The following NBAS variants were observed in gnomAD, a reference collection of about 807,000 sequenced individuals.
The protein encoded by NBAS is NBAS subunit of NRZ tethering complex, also known as NAG/BC035112 fusion.
A neutral mutation model predicts 302.5 loss-of-function variants in NBAS; 219 were observed. That is an observed-to-expected ratio of 0.72 (90% CI 0.65 to 0.81). NBAS has a LOEUF of 0.81. Among genes scored for constraint, NBAS ranks in the 30% least tolerant of loss-of-function variants. The pLI is 0.00. For synonymous variants in NBAS, 1,118 were observed against 1,021.6 expected (o/e 1.09, Z -1.80); for missense variants, 2,932 against 2,841.6 (o/e 1.03, Z -0.72).
Position 15,186,132 on chromosome 2 carries a change from A to G in NBAS, c.6711+610T>C, listed in dbSNP as rs866987822. 1.1e-4 allele frequency among the ~76,000 whole-genome samples: 16 copies of G among 151,174 alleles called. No individual in the cohort carries two copies. The South Asian group carries it at 2.9e-3, about 28-fold the overall frequency. On this transcript the variant is annotated intron_variant, in intron 50 of 51. Coordinates refer to ENST00000281513, the MANE Select transcript of NBAS (RefSeq NM_015909.4). Reference sequence around the variant, plus strand: ...CACATATGTGTATGTATGTGTGTATATATATATATACACTTATGTATGTGT... The same window carrying G: ...CACATATGTGTATGTATGTGTGTATGTATATATATACACTTATGTATGTGT...
chr2:15,534,562 T>C lies in NBAS; in HGVS notation c.727A>G (p.Ile243Val), dbSNP rs13029846. The C allele has an allele frequency of 0.62, 1,002,859 of 1,608,724 alleles. 325,217 individuals are homozygous for C. Among genetic ancestry groups the C allele is most frequent in the Non-Finnish European group, 0.68 (794,621 of 1,175,296 alleles). ...SHYPHGINTA[I>V]YHPGHRLLLV... Reference sequence around the variant, plus strand: ...ACTTACCTGTGACCAGGGTGGTAAATAGCTGTGTTGATTCCATGAGGATAA... The same window carrying C: ...ACTTACCTGTGACCAGGGTGGTAAACAGCTGTGTTGATTCCATGAGGATAA... Residue 243 changes from isoleucine to valine, a missense_variant, in exon 9 of 52, where the codon ATT becomes GTT. Transcript: ENST00000281513.
chr2:15,121,239 A>G, the NBAS span, among the ~76,000 whole-genome samples: 1 of 152,196 alleles, frequency 6.6e-6, no homozygotes, highest in Admixed American at 6.5e-5. Context: ...AGCATACTAT[A>G]TCTTTTATCT....
chr2:15,135,199 C>T, the NBAS span, among the ~76,000 whole-genome samples: 4 of 152,200 alleles, frequency 2.6e-5, no homozygotes, highest in African/African-American at 7.2e-5. Flanking sequence ...AAGGAGGGGA[C>T]GGTGAGGTTT....
intron 35 of NBAS, among the ~76,000 whole-genome samples, chr2:15,349,465 C>T (rs981422111): frequency 1.3e-5 from 2 of 152,170 alleles, no homozygotes; most frequent in Admixed American, 6.5e-5. Flanking sequence ...ATCCATATCA[C>T]TCTAGGACCC....
chr2:15,043,573 A>C, the NBAS span, among the ~76,000 whole-genome samples: 1 of 152,046 alleles, frequency 6.6e-6, no homozygotes, highest in Non-Finnish European at 1.5e-5. Flanking sequence ...AACCTCAGTA[A>C]TTTTAAACAG....
At chr2:15,289,396 C>T (rs527489819) in intron 41 of NBAS, among the ~76,000 whole-genome samples, 119 of 152,314 alleles carry the variant, frequency 7.8e-4, no homozygotes, top group Non-Finnish European at 1.4e-3. Context: ...GCCACCATAT[C>T]TGGCCTAGAA....
chr2:15,160,591 G>GC, the NBAS span, among the ~76,000 whole-genome samples: 1 of 120,686 alleles, frequency 8.3e-6, no homozygotes, highest in African/African-American at 3.3e-5. Flanking sequence ...TGGGCGGGGG[G>GC]AGGGGGGGGG....
intron 44 of NBAS, among the ~76,000 whole-genome samples, chr2:15,263,496 G>A (rs1388808475): frequency 6.6e-6 from 1 of 152,156 alleles, no homozygotes; most frequent in Non-Finnish European, 1.5e-5. Flanking sequence ...CCTTTAGCCA[G>A]GTATACAAGA....
intron 21 of NBAS, among the ~76,000 whole-genome samples, chr2:15,441,051 G>C (rs1358510708): frequency 2.0e-5 from 3 of 152,134 alleles, no homozygotes; most frequent in East Asian, 3.9e-4. Context: ...GAAAGTGACG[G>C]GGAGAATGGA....
chr2:14,805,414 A>T, the NBAS span, among the ~76,000 whole-genome samples: 1 of 152,210 alleles, frequency 6.6e-6, no homozygotes, highest in South Asian at 2.1e-4. Flanking sequence ...ATACACCAGG[A>T]TAAGGAGTCT....
chr2:15,267,528 TA>T (rs1669133566), intron 44 of NBAS, among the ~76,000 whole-genome samples: 1 of 152,110 alleles, frequency 6.6e-6, no homozygotes, highest in South Asian at 2.1e-4. Context: ...GGGAGAAGGT[TA>T]AAAAAATGAG....
chr2:15,013,930 C>T, the NBAS span, among the ~76,000 whole-genome samples: 1 of 152,076 alleles, frequency 6.6e-6, no homozygotes, highest in African/African-American at 2.4e-5. Flanking sequence ...TGTGAACACA[C>T]ATCAACTGAA....
chr2:15,296,545 A>AAAAC (rs929141653), intron 40 of NBAS, among the ~76,000 whole-genome samples: 2 of 28,124 alleles, frequency 7.1e-5, no homozygotes, highest in African/African-American at 2.6e-3. Context: ...AAAACAAAAC[A>AAAAC]AAAAAAAAAA....
At chr2:15,528,594 G>A (rs1236794723) in intron 9 of NBAS, among the ~76,000 whole-genome samples, 1 of 150,090 alleles carries the variant, frequency 6.7e-6, no homozygotes, top group South Asian at 2.1e-4. Context: ...CTGGCCGGGC[G>A]TGGTGGCTCA....
intron 7 of NBAS, chr2:15,538,397 T>C (rs775810714): frequency 7.0e-6 from 3 of 429,344 alleles, no homozygotes; most frequent in South Asian, 3.6e-5. Flanking sequence ...TCATTATCTA[T>C]ATCATTGGTT....
chr2:15,402,725 T>C (rs1558307439), intron 25 of NBAS, among the ~76,000 whole-genome samples: 2 of 151,954 alleles, frequency 1.3e-5, no homozygotes, highest in African/African-American at 2.4e-5. Flanking sequence ...GTAGGCATTA[T>C]ATATTACTCA....
chr2:15,120,076 C>T, the NBAS span, among the ~76,000 whole-genome samples: 17 of 152,126 alleles, frequency 1.1e-4, no homozygotes, highest in Non-Finnish European at 2.5e-4. Flanking sequence ...AAATGTGAGG[C>T]CCCTGGCAGC....
rs140552835 is a variant in NBAS, at chr2:15,553,863, CCTCTCTCCCTCT to C, written c.287+186_287+197del. ...CTCCCTCTTCCTCTCTCCCTCCCTC[CCTCTCTCCCTCT>C]CTCTCTCCCTCTCTCTCTTTCCCTC... On this transcript the variant is annotated intron_variant, in intron 4 of 51. Coordinates refer to ENST00000281513, the MANE Select transcript of NBAS (RefSeq NM_015909.4). Among the ~76,000 whole-genome samples, 71,006 of 133,864 alleles carry C rather than the reference CCTCTCTCCCTCT, an allele frequency of 0.53. 21,167 individuals carry two copies. Among genetic ancestry groups the C allele is most frequent in the Non-Finnish European group, 0.68 (42,950 of 63,540 alleles). 87.8% of individuals were successfully genotyped at this position (133,864 alleles called of 152,430 possible). A position where few individuals can be genotyped will look rare whatever the true frequency, so the allele number is the denominator to read the frequency against.
the NBAS span, among the ~76,000 whole-genome samples, chr2:14,780,823 A>G: frequency 3.9e-5 from 6 of 152,302 alleles, no homozygotes; most frequent in African/African-American, 1.2e-4. Context: ...GTTTCCTCCA[A>G]TAGACTTGGA....
Sources: gnomAD v4.1 joint callset for allele counts (sites outside exome capture counted in the v4.1 genomes callset) on GRCh38, gnomAD v4.1.1 for gene constraint, MANE v1.5 for transcripts, NCBI Gene and HGNC (gene_info 2026-07-23, HGNC 2026-07-21) for gene names.